Variants in C4orf17 observed in about 807,000 individuals in gnomAD.
C4orf17 encodes the protein chromosome 4 open reading frame 17, also known as uncharacterized protein C4orf17.
In C4orf17, 25 loss-of-function variants were observed where a neutral mutation model predicts 32.0. The observed-to-expected ratio is 0.78, with a 90% CI of 0.57 to 1.09. The LOEUF is 1.09. Ranked by LOEUF, C4orf17 falls within the 50% of genes least tolerant of loss-of-function variation. C4orf17 has a pLI of 0.00. For synonymous variants in C4orf17, 149 were observed against 145.8 expected, an observed-to-expected ratio of 1.02 and a Z score of -0.16; for missense variants, 420 against 420.0, an observed-to-expected ratio of 1.00 and a Z score of 0.00.
chr4:99,517,096 G>C (rs1356838331), intron 2 of C4orf17, among the ~76,000 whole-genome samples: 1 of 152,248 alleles, frequency 6.6e-6, no homozygotes, highest in East Asian at 1.9e-4. Context: ...ACCTAGAGCT[G>C]GCTTGCTCCT....
At chr4:99,520,826 A>C (rs1029239591) in intron 2 of C4orf17, among the ~76,000 whole-genome samples, 1 of 152,194 alleles carries the variant, frequency 6.6e-6, no homozygotes, top group African/African-American at 2.4e-5. Flanking sequence ...CTTGATTTTT[A>C]AAAATATTTT....
intron 2 of C4orf17, among the ~76,000 whole-genome samples, chr4:99,517,578 T>TA (rs35297421): frequency 0.6 from 90,968 of 151,500 alleles, 28,232 homozygotes; most frequent in East Asian, 0.8. Flanking sequence ...TCTTCACCTT[T>TA]AAAAAATGTA....
chr4:99,532,062 C>G (rs568847891), intron 5 of C4orf17, among the ~76,000 whole-genome samples: 1 of 152,006 alleles, frequency 6.6e-6, no homozygotes, highest in Non-Finnish European at 1.5e-5. Context: ...AGACATAACA[C>G]CAAAATGTCT....
At chr4:99,526,651 C>CTTTTTTT (rs145120945) in intron 4 of C4orf17, among the ~76,000 whole-genome samples, 3 of 137,608 alleles carry the variant, frequency 2.2e-5, no homozygotes, top group East Asian at 2.1e-4. Flanking sequence ...CTTTTCTTTT[C>CTTTTTTT]TTTTTTTTTT....
chr4:99,529,802 A>G lies in C4orf17; in HGVS notation c.403-13A>G, dbSNP rs1254795614. The G allele has an allele frequency of 1.8e-5, 29 of 1,597,916 alleles. No individual in the cohort carries two copies. The highest frequency in any genetic ancestry group is 2.5e-5 in the Non-Finnish European group (29 of 1,173,196). ...TGCAAATGTATATTGGTTATATTAT[A>G]CTTTTGATTTAGGAAGAAATTAAGG... On this transcript the variant is annotated splice_polypyrimidine_tract_variant and intron_variant, in intron 4 of 8. Coordinates refer to ENST00000326581, the MANE Select transcript of C4orf17 (RefSeq NM_032149.3).
At chr4:99,522,740 C>G in intron 3 of C4orf17, 31 bp downstream of exon 3, 1 of 1,541,010 alleles carries the variant, frequency 6.5e-7, no homozygotes, top group Non-Finnish European at 8.9e-7. Context: ...TGAAATGTTT[C>G]CTTATGCCTC....
At chr4:99,524,094 C>T (rs540744718) in intron 3 of C4orf17, among the ~76,000 whole-genome samples, 5 of 151,466 alleles carry the variant, frequency 3.3e-5, no homozygotes, top group Non-Finnish European at 5.9e-5. Flanking sequence ...ATTCTCCTGC[C>T]TCAGCCTCCC....
intron 5 of C4orf17, 41 bp downstream of exon 5, chr4:99,529,999 A>G (rs772866937): frequency 1.3e-6 from 2 of 1,521,584 alleles, no homozygotes; most frequent in Non-Finnish European, 1.8e-6. Context: ...TGGAAACAGC[A>G]TGAATATACA....
intron 2 of C4orf17, among the ~76,000 whole-genome samples, chr4:99,516,193 T>C (rs749595190): frequency 4.6e-5 from 7 of 152,190 alleles, no homozygotes; most frequent in Non-Finnish European, 8.8e-5. Context: ...ATGTGGGAGA[T>C]AGACCAAAGT....
At chr4:99,517,858 G>T (rs112156630) in intron 2 of C4orf17, among the ~76,000 whole-genome samples, 85 of 152,242 alleles carry the variant, frequency 5.6e-4, no homozygotes, top group African/African-American at 2.0e-3. Flanking sequence ...CTGTCTACTT[G>T]CAAGGCATGG....
At chr4:99,530,889 A>C (rs544910306) in intron 5 of C4orf17, among the ~76,000 whole-genome samples, 2 of 152,244 alleles carry the variant, frequency 1.3e-5, no homozygotes, top group African/African-American at 2.4e-5. Flanking sequence ...TTTATATTAT[A>C]CAGAGTCTTC....
chr4:99,516,697 A>G (rs1457551697), intron 2 of C4orf17, among the ~76,000 whole-genome samples: 3 of 152,190 alleles, frequency 2.0e-5, no homozygotes, highest in Non-Finnish European at 4.4e-5. Context: ...GTTATGGGGC[A>G]TGTGGGGAGG....
chr4:99,513,439 T>C (rs1723128843), intron 2 of C4orf17, among the ~76,000 whole-genome samples: 1 of 152,158 alleles, frequency 6.6e-6, no homozygotes, highest in Admixed American at 6.5e-5. Flanking sequence ...AATTGCTTGA[T>C]TGTTAGGACA....
chr4:99,535,960 A>ACAGT (rs56385103), intron 5 of C4orf17: 141,692 of 443,212 alleles, frequency 0.32, 24,584 homozygotes, highest in African/African-American at 0.48. Flanking sequence ...TTTTCTTCTA[A>ACAGT]CAGGCCACTC....
intron 8 of C4orf17, 82 bp from the exon 9 acceptor site, chr4:99,541,828 A>G: frequency 1.0e-6 from 1 of 976,664 alleles, no homozygotes. Context: ...AGTTTTTTAT[A>G]GATAATTTAC....
rs1159158982 is a variant in C4orf17 at position 99,539,151 on chromosome 4, C to T, written c.629-12C>T. On this transcript the variant is annotated splice_polypyrimidine_tract_variant and intron_variant, in intron 6 of 8. Coordinates refer to ENST00000326581, the MANE Select transcript of C4orf17 (RefSeq NM_032149.3). ...CTTCACTCCTCCCACCCTTTTTTGTCTTTTAAACCAGAAAAAGAGTGGGTC... is the reference window on the plus strand; with the variant it reads ...CTTCACTCCTCCCACCCTTTTTTGTTTTTTAAACCAGAAAAAGAGTGGGTC... 1.9e-6 allele frequency: 3 copies of T among 1,609,284 alleles called. No homozygotes were observed. Among genetic ancestry groups the T allele is most frequent in the Non-Finnish European group, 2.5e-6 (3 of 1,177,710 alleles).
chr4:99,529,144 A>C (rs1450755435), intron 4 of C4orf17, among the ~76,000 whole-genome samples: 1 of 152,186 alleles, frequency 6.6e-6, no homozygotes, highest in Non-Finnish European at 1.5e-5. Context: ...TTAGGCACTA[A>C]GTTCTATGTG....
At chr4:99,527,717 T>C (rs1262507810) in intron 4 of C4orf17, among the ~76,000 whole-genome samples, 2 of 152,194 alleles carry the variant, frequency 1.3e-5, no homozygotes, top group Non-Finnish European at 1.5e-5. Flanking sequence ...GTGCAGCAGG[T>C]TGTGGTCCAG....
Position 99,529,837 on chromosome 4 carries a change from C to T in C4orf17, c.425C>T (p.Pro142Leu). The change falls in exon 5 of 9, where the codon CCA becomes CTA. Residue 142 changes from proline to leucine, a missense_variant. Physicochemically the swap from Pro to Leu is moderately conservative, Grantham distance 98. Coordinates refer to ENST00000326581, the MANE Select transcript of C4orf17 (RefSeq NM_032149.3). Reference protein sequence around the residue: ...IKKEEIKAKRPPSPPKACSTP... With the variant: ...IKKEEIKAKRLPSPPKACSTP... ...TAGGAAGAAATTAAGGCCAAAAGAC[C>T]ACCATCACCTCCAAAGGCATGCTCT... The T allele has an allele frequency of 5.6e-6, 9 of 1,609,934 alleles. No homozygotes were observed. Among genetic ancestry groups the T allele is most frequent in the Non-Finnish European group, 7.6e-6 (9 of 1,178,178 alleles).
Sources: gnomAD v4.1 joint callset for allele counts (sites outside exome capture counted in the v4.1 genomes callset) on GRCh38, gnomAD v4.1.1 for gene constraint, MANE v1.5 for transcripts, NCBI Gene and HGNC (gene_info 2026-07-23, HGNC 2026-07-21) for gene names.